Variants in WWOX observed in about 807,000 individuals in gnomAD.
WWOX encodes WW domain-containing oxidoreductase.
In WWOX, 69 loss-of-function variants were observed where a neutral mutation model predicts 46.2. The observed-to-expected ratio is 1.49, with a 90% CI of 1.23 to 1.82. The LOEUF (loss-of-function observed/expected upper bound fraction) is 1.82, where lower values mean the gene tolerates loss of function less well. Among genes scored for constraint, WWOX ranks in the 40% most tolerant of loss-of-function variants. WWOX has a pLI of 0.00. For missense variants in WWOX, 919 were observed against 542.6 expected (o/e 1.69, Z -6.89); for synonymous variants, 359 against 202.6 (o/e 1.77, Z -6.56).
intron 8 of WWOX, among the ~76,000 whole-genome samples, chr16:78,769,367 C>A (rs920194185): frequency 1.3e-5 from 2 of 152,124 alleles, no homozygotes; most frequent in African/African-American, 4.8e-5. Flanking sequence ...CGCCCCCTCT[C>A]TTCCCCTCCT....
At chr16:78,776,984 C>A (rs2050207137) in intron 8 of WWOX, among the ~76,000 whole-genome samples, 1 of 152,136 alleles carries the variant, frequency 6.6e-6, no homozygotes, top group South Asian at 2.1e-4. Flanking sequence ...ACAGCCAAAC[C>A]ATACCACTCA....
intron 8 of WWOX, among the ~76,000 whole-genome samples, chr16:78,596,307 C>T (rs916746385): frequency 2.0e-5 from 3 of 152,140 alleles, no homozygotes; most frequent in Non-Finnish European, 4.4e-5. Flanking sequence ...TGGCTGGGTT[C>T]TGCTAGGCCT....
At chr16:78,628,401 G>T (rs899484267) in intron 8 of WWOX, among the ~76,000 whole-genome samples, 7 of 152,130 alleles carry the variant, frequency 4.6e-5, no homozygotes, top group Admixed American at 4.6e-4. Flanking sequence ...GATTTACTAG[G>T]TCTGGGGTTG....
intron 5 of WWOX, among the ~76,000 whole-genome samples, chr16:78,286,135 A>G (rs28572350): frequency 0.041 from 6,186 of 152,276 alleles, 279 homozygotes; most frequent in African/African-American, 0.11. Context: ...TCATTAATCA[A>G]TTGTGATTTT....
At chr16:78,923,638 C>G (rs1486352711) in intron 8 of WWOX, among the ~76,000 whole-genome samples, 1 of 151,948 alleles carries the variant, frequency 6.6e-6, no homozygotes, top group African/African-American at 2.4e-5. Context: ...TTCTATGAAT[C>G]AAATAATATA....
intron 6 of WWOX, among the ~76,000 whole-genome samples, chr16:78,406,352 A>T (rs1480828901): frequency 0.027 from 2,011 of 73,268 alleles, 117 homozygotes; most frequent in African/African-American, 0.12. Context: ...ATATATATAT[A>T]TATTTTATTA....
chr16:79,194,751 GT>G (rs1403445597), intron 8 of WWOX, among the ~76,000 whole-genome samples: 1 of 152,132 alleles, frequency 6.6e-6, no homozygotes, highest in Non-Finnish European at 1.5e-5. Flanking sequence ...TTTTGTTGAT[GT>G]TTCTTGATCA....
intron 8 of WWOX, among the ~76,000 whole-genome samples, chr16:79,148,981 T>C (rs777901502): frequency 1.1e-4 from 16 of 152,188 alleles, no homozygotes; most frequent in Admixed American, 2.0e-4. Context: ...TCATGTCATA[T>C]GCAAATAGAG....
intron 8 of WWOX, among the ~76,000 whole-genome samples, chr16:79,063,270 C>T (rs917811474): frequency 1.3e-5 from 2 of 152,198 alleles, no homozygotes; most frequent in African/African-American, 4.8e-5. Flanking sequence ...GGTTACCCAG[C>T]CCAAGCCGCC....
chr16:78,433,115 T>C (rs902771384), intron 8 of WWOX, among the ~76,000 whole-genome samples: 3 of 152,202 alleles, frequency 2.0e-5, no homozygotes, highest in African/African-American at 7.2e-5. Flanking sequence ...CTGTTTTGTG[T>C]CAGTAGGTAA....
At chr16:79,179,501 C>T (rs532529084) in intron 8 of WWOX, among the ~76,000 whole-genome samples, 1 of 152,304 alleles carries the variant, frequency 6.6e-6, no homozygotes, top group African/African-American at 2.4e-5. Flanking sequence ...ACATGCAATC[C>T]TTCATGCTTT....
intron 8 of WWOX, among the ~76,000 whole-genome samples, chr16:79,039,336 C>A (rs1007579035): frequency 6.6e-6 from 1 of 152,112 alleles, no homozygotes; most frequent in African/African-American, 2.4e-5. Flanking sequence ...GTCACCTCAT[C>A]TGTAAGGGAG....
intron 8 of WWOX, among the ~76,000 whole-genome samples, chr16:78,554,977 A>G (rs190295494): frequency 9.2e-5 from 14 of 152,238 alleles, no homozygotes; most frequent in Non-Finnish European, 1.8e-4. Flanking sequence ...GTAAGAAGAA[A>G]AGGGGCCCGG....
intron 8 of WWOX, among the ~76,000 whole-genome samples, chr16:79,035,690 C>G (rs1002335636): frequency 6.6e-6 from 1 of 152,132 alleles, no homozygotes; most frequent in South Asian, 2.1e-4. Context: ...AAGTGTGCAC[C>G]ACCATGCCTG....
At chr16:78,122,879 A>C (rs1272192932) in intron 4 of WWOX, among the ~76,000 whole-genome samples, 3 of 152,216 alleles carry the variant, frequency 2.0e-5, no homozygotes. Flanking sequence ...TGCTAGGATT[A>C]CAGACACTAG....
chr16:78,688,523 A>T (rs2047913574), intron 8 of WWOX, among the ~76,000 whole-genome samples: 5 of 151,870 alleles, frequency 3.3e-5, no homozygotes, highest in Admixed American at 2.6e-4. Context: ...TCACCTTTAC[A>T]CCCCAGGACA....
chr16:79,159,136 T>C (rs1367422089), intron 8 of WWOX, among the ~76,000 whole-genome samples: 2 of 152,162 alleles, frequency 1.3e-5, no homozygotes, highest in Admixed American at 1.3e-4. Context: ...AAATATGCCT[T>C]AAAAGTGAAT....
intron 8 of WWOX, among the ~76,000 whole-genome samples, chr16:78,610,194 C>A (rs1366714064): frequency 6.6e-6 from 1 of 152,114 alleles, no homozygotes; most frequent in Non-Finnish European, 1.5e-5. Flanking sequence ...AAATGGAGTA[C>A]TTTGTGCGTT....
At chr16:78,295,427 C>G (rs1251205264) in intron 5 of WWOX, among the ~76,000 whole-genome samples, 1 of 152,090 alleles carries the variant, frequency 6.6e-6, no homozygotes, top group East Asian at 1.9e-4. Context: ...AATGGTTCTC[C>G]AAGGCCAGGT....
Sources: gnomAD v4.1 joint callset for allele counts (sites outside exome capture counted in the v4.1 genomes callset) on GRCh38, gnomAD v4.1.1 for gene constraint, MANE v1.5 for transcripts, NCBI Gene and HGNC (gene_info 2026-07-23, HGNC 2026-07-21) for gene names.